Variants in PLA2G5 observed in about 807,000 individuals in gnomAD.
The protein encoded by PLA2G5 is Ca2+-dependent phospholipase A2.
A neutral mutation model predicts 15.9 loss-of-function variants in PLA2G5; 12 were observed. The observed-to-expected ratio is 0.76, with a 90% CI of 0.48 to 1.23. PLA2G5 has a LOEUF of 1.23. PLA2G5 is among the 50% of genes most tolerant of loss of function. PLA2G5 has a pLI of 0.00. For synonymous variants in PLA2G5, 71 were observed against 71.4 expected (o/e 0.99, Z 0.03); for missense variants, 169 against 177.1 (o/e 0.95, Z 0.26).
chr1:20,051,205 G>A (rs2014164132), intron 1 of PLA2G5, among the ~76,000 whole-genome samples: 2 of 152,128 alleles, frequency 1.3e-5, no homozygotes, highest in South Asian at 4.1e-4. Context: ...ACAGACAATT[G>A]TCTTGTTTAG....
At chr1:20,089,975 G>A (rs1251287411) in intron 4 of PLA2G5, 80 bp downstream of exon 4, 4 of 970,960 alleles carry the variant, frequency 4.1e-6, no homozygotes, top group Non-Finnish European at 6.3e-6. Flanking sequence ...CAGCCAGCCT[G>A]TATCTTGTTG....
intron 1 of PLA2G5, among the ~76,000 whole-genome samples, chr1:20,034,786 C>T (rs2013157536): frequency 6.6e-6 from 1 of 152,126 alleles, no homozygotes; most frequent in South Asian, 2.1e-4. Flanking sequence ...AAGGCTGGAG[C>T]AGCAAACATT....
rs181737583 is a variant in PLA2G5 at position 20,057,627 on chromosome 1, T to C, written n.277-2005T>C. Among the ~76,000 whole-genome samples, 722 of 152,304 alleles carry C rather than the reference T, an allele frequency of 4.7e-3. 8 individuals carry two copies. The highest frequency in any genetic ancestry group is 0.015 in the African/African-American group (635 of 41,568). On this transcript the variant is annotated intron_variant and non_coding_transcript_variant, in intron 1 of 6. Coordinates refer to the PLA2G5 transcript ENST00000460175. ...GATTCTCCTGCCTCAGCCTCCCAAG[T>C]AGCTGGGACTACAGGCATGTGCCAC...
At chr1:20,072,505 A>AAG (rs1326397637) in intron 1 of PLA2G5, among the ~76,000 whole-genome samples, 3 of 152,098 alleles carry the variant, frequency 2.0e-5, no homozygotes, top group South Asian at 2.1e-4. Context: ...GAGACAGAGA[A>AAG]AGAGAGAGAG....
intron 1 of PLA2G5, among the ~76,000 whole-genome samples, chr1:20,044,120 C>A (rs1445121178): frequency 1.3e-5 from 2 of 152,192 alleles, no homozygotes; most frequent in African/African-American, 4.8e-5. Flanking sequence ...GTGAGCATTC[C>A]TTGGCCCAGT....
chr1:20,077,486 C>CTACTATGTGCCAAGTG (rs1340236064), intron 1 of PLA2G5, among the ~76,000 whole-genome samples: 203 of 152,314 alleles, frequency 1.3e-3, no homozygotes, highest in African/African-American at 4.6e-3. Context: ...TACTGAGCAC[C>CTACTATGTGCCAAGTG]TACTATGTGC....
chr1:20,034,955 T>C (rs890604220), intron 1 of PLA2G5, among the ~76,000 whole-genome samples: 1 of 151,872 alleles, frequency 6.6e-6, no homozygotes, highest in Non-Finnish European at 1.5e-5. Context: ...TTGGATGTGA[T>C]GAGAATGAGG....
upstream of PLA2G5, among the ~76,000 whole-genome samples, chr1:20,068,487 T>C (rs889675230): frequency 1.3e-5 from 2 of 150,570 alleles, no homozygotes; most frequent in African/African-American, 4.9e-5. Context: ...GATCTTACTC[T>C]GTTGCCCAGG....
intron 1 of PLA2G5, among the ~76,000 whole-genome samples, chr1:20,080,123 C>A (rs946977993): frequency 6.6e-6 from 1 of 152,102 alleles, no homozygotes; most frequent in Non-Finnish European, 1.5e-5. Flanking sequence ...TGAGCAGGAG[C>A]CCACGGCTGG....
intron 1 of PLA2G5, among the ~76,000 whole-genome samples, chr1:20,030,358 C>A (rs752309875): frequency 3.3e-5 from 5 of 151,652 alleles, no homozygotes; most frequent in African/African-American, 4.8e-5. Context: ...GAGAGTAGGC[C>A]AGATTTATGT....
rs1481041900 is a variant in PLA2G5, at chr1:20,062,311, G to A, written n.337+2619G>A. Among the ~76,000 whole-genome samples, 4 of 152,222 alleles carry A rather than the reference G, an allele frequency of 2.6e-5. No homozygotes were observed. In the East Asian group the frequency reaches 7.7e-4, roughly 29 times the overall value. ...ACGAAATGGTCTTTCCCATCAGACAGGAAACTCCCAGCATCTCATACTCCT... is the reference window on the plus strand; with the variant it reads ...ACGAAATGGTCTTTCCCATCAGACAAGAAACTCCCAGCATCTCATACTCCT... On this transcript the variant is annotated intron_variant and non_coding_transcript_variant, in intron 2 of 6. Coordinates refer to the PLA2G5 transcript ENST00000460175.
chr1:20,064,347 G>C (rs1219361183), intron 2 of PLA2G5, among the ~76,000 whole-genome samples: 2 of 152,164 alleles, frequency 1.3e-5, no homozygotes. Context: ...GCTGAGGCAG[G>C]CAGATGATTT....
At chr1:20,052,061 C>G (rs573292877) in intron 1 of PLA2G5, among the ~76,000 whole-genome samples, 5 of 150,538 alleles carry the variant, frequency 3.3e-5, no homozygotes, top group African/African-American at 1.2e-4. Context: ...ATAATCAGTC[C>G]AAGTATAATA....
chr1:20,053,388 C>T lies in PLA2G5; in HGVS notation n.277-6244C>T, dbSNP rs141675964. On this transcript the variant is annotated intron_variant and non_coding_transcript_variant, in intron 1 of 6. Transcript: ENST00000460175. ...GTGTACATTTCTTTTTATCTTTAGC[C>T]TTATGGTATACCATAAAAGTACTGT... is the stretch of plus-strand genomic sequence containing the variant. Among the ~76,000 whole-genome samples the T allele has an allele frequency of 7.5e-3, 1,135 of 152,134 alleles. 21 individuals are homozygous for T. The highest frequency in any genetic ancestry group is 0.026 in the African/African-American group (1,071 of 41,474).
chr1:20,047,536 A>G (rs932483335), intron 1 of PLA2G5, among the ~76,000 whole-genome samples: 1 of 152,180 alleles, frequency 6.6e-6, no homozygotes, highest in Non-Finnish European at 1.5e-5. Flanking sequence ...GTCAACCTGC[A>G]AAGTATAGAG....
At chr1:20,047,368 G>C (rs935708792) in intron 1 of PLA2G5, among the ~76,000 whole-genome samples, 2 of 151,440 alleles carry the variant, frequency 1.3e-5, no homozygotes, top group Non-Finnish European at 2.9e-5. Context: ...AAAAAAAAAA[G>C]TGGGAAACAA....
intron 1 of PLA2G5, among the ~76,000 whole-genome samples, chr1:20,036,227 C>G (rs1365774409): frequency 3.3e-5 from 5 of 152,062 alleles, no homozygotes; most frequent in Non-Finnish European, 5.9e-5. Context: ...AGGTGATGAT[C>G]TTTTTGTGAT....
chr1:20,034,129 G>A (rs892377477), intron 1 of PLA2G5, among the ~76,000 whole-genome samples: 7 of 152,130 alleles, frequency 4.6e-5, no homozygotes, highest in Admixed American at 1.3e-4. Context: ...GCTGAGTGGT[G>A]TGTTGGATGG....
chr1:20,055,075 T>C (rs2014369191), intron 1 of PLA2G5, among the ~76,000 whole-genome samples: 1 of 152,196 alleles, frequency 6.6e-6, no homozygotes, highest in African/African-American at 2.4e-5. Context: ...CAAATATTTA[T>C]TGAGGACCTA....
Sources: gnomAD v4.1 joint callset for allele counts (sites outside exome capture counted in the v4.1 genomes callset) on GRCh38, gnomAD v4.1.1 for gene constraint, MANE v1.5 for transcripts, NCBI Gene and HGNC (gene_info 2026-07-23, HGNC 2026-07-21) for gene names.